ZNF660: variants seen among roughly 807,000 people sequenced by gnomAD.
The protein encoded by ZNF660 is zinc finger protein 660.
ZNF660 carries 24 observed loss-of-function variants against 23.2 expected under a neutral mutation model. That is an observed-to-expected ratio of 1.04 (90% CI 0.75 to 1.46). ZNF660 has a LOEUF of 1.46. ZNF660 is among the 40% of genes most tolerant of loss of function. ZNF660 has a pLI of 0.00. For missense variants in ZNF660, 373 were observed against 396.8 expected, an observed-to-expected ratio of 0.94 and a Z score of 0.51; for synonymous variants, 117 against 131.4, an observed-to-expected ratio of 0.89 and a Z score of 0.75.
At chr3:44,591,168 G>A (rs1700411566) in intron 2 of ZNF660, among the ~76,000 whole-genome samples, 2 of 151,860 alleles carry the variant, frequency 1.3e-5, no homozygotes, top group Admixed American at 1.3e-4. Flanking sequence ...TTGCTCTGTT[G>A]CCCAGGCTGA....
At chr3:44,588,659 C>T (rs1221204146) in intron 2 of ZNF660, among the ~76,000 whole-genome samples, 2 of 152,026 alleles carry the variant, frequency 1.3e-5, no homozygotes, top group Admixed American at 1.3e-4. Context: ...ACACCTGGCT[C>T]ACTTTTTAAA....
At position 44,595,483 on chromosome 3, in the gene ZNF660, A is replaced by G. The variant is rs1700578965; in HGVS notation, c.*294A>G. ...TAATGCCATGGGGAAATGATTGGATAAGACGGAAGATAATGACATACAATC... is the reference window on the plus strand; with the variant it reads ...TAATGCCATGGGGAAATGATTGGATGAGACGGAAGATAATGACATACAATC... On this transcript the variant is annotated 3_prime_UTR_variant, in exon 3 of 3. Coordinates refer to ENST00000322734, the MANE Select transcript of ZNF660 (RefSeq NM_173658.4). The G allele has an allele frequency of 7.9e-6, 2 of 252,778 alleles. No individual in the cohort carries two copies. Among genetic ancestry groups the G allele is most frequent in the African/African-American group, 4.5e-5 (2 of 44,430 alleles). The allele number at this position is 252,778 out of a possible 1,614,324, so 15.7% of individuals were successfully genotyped here.
chr3:44,588,495 C>G (rs974756479), intron 2 of ZNF660, among the ~76,000 whole-genome samples: 2 of 151,948 alleles, frequency 1.3e-5, no homozygotes, highest in Admixed American at 1.3e-4. Flanking sequence ...TCTCAGTAAG[C>G]TTATCTGTTT....
At chr3:44,587,633 T>A (rs1046220113) in intron 2 of ZNF660, among the ~76,000 whole-genome samples, 1 of 152,224 alleles carries the variant, frequency 6.6e-6, no homozygotes, top group Admixed American at 6.5e-5. Flanking sequence ...CCCTCTTTGA[T>A]CTCCTGTCTG....
intron 2 of ZNF660, among the ~76,000 whole-genome samples, chr3:44,593,772 T>C (rs980863765): frequency 1.3e-5 from 2 of 151,880 alleles, no homozygotes; most frequent in Non-Finnish European, 2.9e-5. Context: ...CTAGGGTAGA[T>C]TTTATACGAT....
At chr3:44,591,021 C>T (rs1247234414) in intron 2 of ZNF660, among the ~76,000 whole-genome samples, 1 of 152,170 alleles carries the variant, frequency 6.6e-6, no homozygotes, top group Admixed American at 6.5e-5. Context: ...GATGTGAACT[C>T]GAATATGTGC....
At position 44,594,099 on chromosome 3, in the gene ZNF660, A is replaced by G. The variant is rs747549168; in HGVS notation, c.-95A>G. 2 of 1,451,410 alleles carry G rather than the reference A, an allele frequency of 1.4e-6. No homozygotes were observed. The highest frequency in any genetic ancestry group is 1.8e-5 in the Admixed American group (1 of 57,070). 89.9% of individuals were successfully genotyped at this position (1,451,410 alleles called of 1,614,324 possible). A position where few individuals can be genotyped will look rare whatever the true frequency, so the allele number is the denominator to read the frequency against. On this transcript the variant is annotated 5_prime_UTR_variant, in exon 3 of 3. Transcript: ENST00000322734. The stretch of plus-strand genomic sequence containing the variant: ...TCATACATACTTTCAAGAGAATTCC[A>G]CAGAGACATTGCCCAGGAAGTCAAA...
In ZNF660 at chr3:44,595,407, G is replaced by C. The variant is rs1700577401; in HGVS notation, c.*218G>C. 5 of 442,058 alleles carry C rather than the reference G, an allele frequency of 1.1e-5. No homozygotes were observed. Among genetic ancestry groups the C allele is most frequent in the African/African-American group, 2.0e-5 (1 of 49,800 alleles). 27.4% of individuals were successfully genotyped at this position (442,058 alleles called of 1,614,324 possible). A position where few individuals can be genotyped will look rare whatever the true frequency, so the allele number is the denominator to read the frequency against. ...ATTACAGGGTTGAAATGAATGATGA[G>C]CTATCCATATGATGGTTCTGCAGCC... On this transcript the variant is annotated 3_prime_UTR_variant, in exon 3 of 3. Transcript: ENST00000322734.
chr3:44,595,168 TGAG>T lies in ZNF660; in HGVS notation c.979_981del (p.Glu327del), dbSNP rs1165321840. ...TTATTCAACACCAGAGGAAACATAA[TGAG>T]GAGAAAGAAACCTCATAAATAACAA... On this transcript the variant is annotated inframe_deletion, in exon 3 of 3. Transcript: ENST00000322734. The T allele has an allele frequency of 6.3e-7, 1 of 1,578,276 alleles. No homozygotes were observed. The highest frequency in any genetic ancestry group is 1.4e-5 in the African/African-American group (1 of 73,044).
chr3:44,585,327 C>T (rs2125741878), intron 1 of ZNF660, among the ~76,000 whole-genome samples: 1 of 152,302 alleles, frequency 6.6e-6, no homozygotes, highest in Non-Finnish European at 1.5e-5. Context: ...ACTCCACAGC[C>T]CCTGAGTATT....
At chr3:44,585,678 C>G (rs1424842787) in intron 1 of ZNF660, among the ~76,000 whole-genome samples, 1 of 152,166 alleles carries the variant, frequency 6.6e-6, no homozygotes, top group African/African-American at 2.4e-5. Context: ...CTTTTAAAGA[C>G]TTGTTTCTTT....
In ZNF660 at chr3:44,586,121, T is replaced by C. The variant is rs1245364208; in HGVS notation, c.-273T>C. 6.6e-6 allele frequency: 1 copy of C among 152,190 alleles called. No individual in the cohort carries two copies. The highest frequency in any genetic ancestry group is 1.5e-5 in the Non-Finnish European group (1 of 68,046). 9.4% of individuals were successfully genotyped at this position (152,190 alleles called of 1,614,324 possible). ...TGTTTACAGTGACTCAAGACCCTCT[T>C]AGGAACTTCTTCACTGAACTCAAGG... On this transcript the variant is annotated 5_prime_UTR_variant, in exon 2 of 3. An upstream open reading frame in the 5' UTR loses its in-frame stop. Coordinates refer to ENST00000322734, the MANE Select transcript of ZNF660 (RefSeq NM_173658.4).
rs956225761 is a variant in ZNF660 at position 44,599,304 on chromosome 3, G to A, written c.*4115G>A. On this transcript the variant is annotated 3_prime_UTR_variant, in exon 3 of 3. Transcript: ENST00000322734. ...TATAGCCTTGAGTAGAGGGCAATAC[G>A]TAAGACAAAGAATTCTGCTTAGAGA... The A allele has an allele frequency of 3.0e-4, 45 of 151,590 alleles. No individual in the cohort carries two copies. The highest frequency in any genetic ancestry group is 1.0e-3 in the African/African-American group (42 of 41,476). The allele number at this position is 151,590 out of a possible 1,614,324, so 9.4% of individuals were successfully genotyped here. A position where few individuals can be genotyped will look rare whatever the true frequency, so the allele number is the denominator to read the frequency against.
rs1442795145 is a variant in ZNF660 at position 44,596,391 on chromosome 3, T to C, written c.*1202T>C. 2 of 152,146 alleles carry C rather than the reference T, an allele frequency of 1.3e-5. No homozygotes were observed. Among genetic ancestry groups the C allele is most frequent in the Non-Finnish European group, 2.9e-5 (2 of 68,034 alleles). The allele number at this position is 152,146 out of a possible 1,614,324, so 9.4% of individuals were successfully genotyped here. A position where few individuals can be genotyped will look rare whatever the true frequency, so the allele number is the denominator to read the frequency against. On this transcript the variant is annotated 3_prime_UTR_variant, in exon 3 of 3. Coordinates refer to ENST00000322734, the MANE Select transcript of ZNF660 (RefSeq NM_173658.4). ...GCCAGACACGTGGTAAATGATAAAATCTTAAGTATAGGACATTGTAGCAGT... is the reference window on the plus strand; with the variant it reads ...GCCAGACACGTGGTAAATGATAAAACCTTAAGTATAGGACATTGTAGCAGT...
rs1172452024 is a variant in ZNF660, at chr3:44,595,983, C to T, written c.*794C>T. On this transcript the variant is annotated 3_prime_UTR_variant, in exon 3 of 3. Transcript: ENST00000322734. The stretch of plus-strand genomic sequence containing the variant: ...ACACAGCAAAAATTCACTGAACCCT[C>T]CTTTCCCACAGTTCTGGAAGGATCT... 6.0e-6 allele frequency: 1 copy of T among 167,042 alleles called. No homozygotes were observed. The highest frequency in any genetic ancestry group is 1.9e-4 in the East Asian group (1 of 5,196). 10.3% of individuals were successfully genotyped at this position (167,042 alleles called of 1,614,324 possible).
chr3:44,598,631 T>TA lies in ZNF660; in HGVS notation c.*3444dup, dbSNP rs1700701998. The stretch of plus-strand genomic sequence containing the variant: ...ACAGGTACCTGCCACCACACCTGGC[T>TA]AATTTTTTGTATTTTTAGTAGAGAC... On this transcript the variant is annotated 3_prime_UTR_variant, in exon 3 of 3. Coordinates refer to ENST00000322734, the MANE Select transcript of ZNF660 (RefSeq NM_173658.4). 1 of 152,218 alleles carries TA rather than the reference T, an allele frequency of 6.6e-6. No individual in the cohort carries two copies. The highest frequency in any genetic ancestry group is 1.5e-5 in the Non-Finnish European group (1 of 68,070). The allele number at this position is 152,218 out of a possible 1,614,324, so 9.4% of individuals were successfully genotyped here.
intron 2 of ZNF660, among the ~76,000 whole-genome samples, chr3:44,589,445 C>T (rs1700341801): frequency 6.6e-6 from 1 of 152,166 alleles, no homozygotes; most frequent in African/African-American, 2.4e-5. Flanking sequence ...CCTCAATTTA[C>T]TCCCCATGTG....
At chr3:44,590,510 C>A (rs1359505244) in intron 2 of ZNF660, among the ~76,000 whole-genome samples, 1 of 152,146 alleles carries the variant, frequency 6.6e-6, no homozygotes, top group African/African-American at 2.4e-5. Flanking sequence ...CCTTAATTAT[C>A]TCCTTAGAGG....
intron 2 of ZNF660, chr3:44,587,250 A>C (rs1463071857): frequency 6.6e-6 from 1 of 152,172 alleles, no homozygotes; most frequent in Non-Finnish European, 1.5e-5. Context: ...ACAGCCTCCA[A>C]GTAAAGCCTC....
Sources: allele counts gnomAD v4.1 joint callset (sites outside exome capture counted in the v4.1 genomes callset), GRCh38; gene constraint gnomAD v4.1.1; transcripts MANE v1.5; gene names NCBI Gene and HGNC (gene_info 2026-07-23, HGNC 2026-07-21).